Variants in RPRD1A observed in about 807,000 individuals in gnomAD.
The protein encoded by RPRD1A is regulation of nuclear pre-mRNA domain containing 1A.
RPRD1A carries 9 observed loss-of-function variants against 37.8 expected under a neutral mutation model. The observed-to-expected ratio is 0.24, with a 90% CI of 0.14 to 0.42. The LOEUF (loss-of-function observed/expected upper bound fraction) is 0.42. Ranked by LOEUF, RPRD1A falls within the 10% of genes least tolerant of loss-of-function variation. The pLI is 1.00. For synonymous variants in RPRD1A, 138 were observed against 139.7 expected (o/e 0.99, Z 0.08); for missense variants, 255 against 371.0 (o/e 0.69, Z 2.57).
At chr18:36,046,696 C>T (rs1044952397) in intron 1 of RPRD1A, among the ~76,000 whole-genome samples, 1 of 151,398 alleles carries the variant, frequency 6.6e-6, no homozygotes, top group Non-Finnish European at 1.5e-5. Context: ...ATCAGCCAGG[C>T]GTGGTGACAC....
chr18:36,014,188 CAAAT>C (rs1279516373), intron 6 of RPRD1A, among the ~76,000 whole-genome samples: 2 of 151,952 alleles, frequency 1.3e-5, no homozygotes, highest in African/African-American at 4.8e-5. Context: ...TAAAAATAAA[CAAAT>C]AAAAAAGCAT....
intron 6 of RPRD1A, among the ~76,000 whole-genome samples, chr18:36,003,978 G>C (rs1305655128): frequency 6.7e-6 from 1 of 149,594 alleles, no homozygotes; most frequent in Admixed American, 6.7e-5. Context: ...GAGGGAGAGG[G>C]AGACAGACAG....
chr18:36,017,762 A>C (rs1374796460), intron 6 of RPRD1A, among the ~76,000 whole-genome samples: 1 of 152,236 alleles, frequency 6.6e-6, no homozygotes, highest in Non-Finnish European at 1.5e-5. Context: ...ACAGGCACAA[A>C]GGGCAATAGA....
chr18:36,008,577 G>GTGTGTGTATGTATA, intron 6 of RPRD1A, among the ~76,000 whole-genome samples: 3 of 47,802 alleles, frequency 6.3e-5, no homozygotes, highest in African/African-American at 2.0e-4. Context: ...CCTTGTGTGT[G>GTGTGTGTATGTATA]TATATATATA....
intron 6 of RPRD1A, among the ~76,000 whole-genome samples, chr18:36,016,626 T>C (rs778337113): frequency 1.3e-5 from 2 of 152,084 alleles, no homozygotes; most frequent in Non-Finnish European, 2.9e-5. Flanking sequence ...CTATCACAGA[T>C]AAGCCAAAAC....
At chr18:36,016,347 C>T (rs1453548281) in intron 6 of RPRD1A, among the ~76,000 whole-genome samples, 2 of 152,114 alleles carry the variant, frequency 1.3e-5, no homozygotes, top group African/African-American at 2.4e-5. Flanking sequence ...CTTAGCCTCC[C>T]GAGCAGCTAG....
At chr18:36,028,795 T>TA (rs1911559099) in intron 4 of RPRD1A, among the ~76,000 whole-genome samples, 1 of 152,178 alleles carries the variant, frequency 6.6e-6, no homozygotes, top group African/African-American at 2.4e-5. Flanking sequence ...GAACCATTGA[T>TA]AATTAAGCAG....
chr18:36,032,314 A>G lies in RPRD1A; in HGVS notation c.282-1217T>C, dbSNP rs149776208. On this transcript the variant is annotated intron_variant, in intron 2 of 6. Coordinates refer to ENST00000399022, the MANE Select transcript of RPRD1A (RefSeq NM_018170.5). Reference sequence around the variant, plus strand: ...CATATAATAAATATTTATGCAGCCAATAAATATTTTACTGAATTCTAGGGA... The same window carrying G: ...CATATAATAAATATTTATGCAGCCAGTAAATATTTTACTGAATTCTAGGGA... Among the ~76,000 whole-genome samples the G allele has an allele frequency of 4.5e-3, 684 of 152,350 alleles. 6 individuals carry two copies. The highest frequency in any genetic ancestry group is 0.016 in the African/African-American group (646 of 41,582).
At chr18:36,064,507 A>C (rs1053373935) in intron 1 of RPRD1A, 1 of 152,300 alleles carries the variant, frequency 6.6e-6, no homozygotes, top group Non-Finnish European at 1.5e-5. Context: ...TAAACGCACC[A>C]ATCAGTGCTC....
At chr18:36,004,061 C>A (rs1488415908) in intron 6 of RPRD1A, among the ~76,000 whole-genome samples, 1 of 114,060 alleles carries the variant, frequency 8.8e-6, no homozygotes, top group Non-Finnish European at 1.6e-5. Flanking sequence ...GTAGGCTGTT[C>A]TTGAACTCCT....
intron 4 of RPRD1A, among the ~76,000 whole-genome samples, chr18:36,030,156 T>G (rs1443254840): frequency 6.6e-6 from 1 of 151,508 alleles, no homozygotes; most frequent in Non-Finnish European, 1.5e-5. Flanking sequence ...AAAGGGGCAG[T>G]GATTATGTCC....
At chr18:36,055,669 T>G (rs1486738922) in intron 1 of RPRD1A, among the ~76,000 whole-genome samples, 1 of 119,388 alleles carries the variant, frequency 8.4e-6, no homozygotes, top group African/African-American at 2.6e-5. Context: ...ATCAAAAAAT[T>G]TGTTCTTATA....
chr18:35,995,901 T>C (rs1328165621), intron 6 of RPRD1A, among the ~76,000 whole-genome samples: 1 of 152,220 alleles, frequency 6.6e-6, no homozygotes, highest in Non-Finnish European at 1.5e-5. Context: ...CCACTTTAGC[T>C]GTGAGAAAAA....
intron 1 of RPRD1A, among the ~76,000 whole-genome samples, chr18:36,038,102 A>T (rs998924313): frequency 7.2e-5 from 11 of 152,220 alleles, no homozygotes; most frequent in African/African-American, 2.4e-4. Flanking sequence ...TTCTGAAGAG[A>T]AATTCAGGTG....
At chr18:36,039,048 A>C (rs1306119861) in intron 1 of RPRD1A, among the ~76,000 whole-genome samples, 1 of 152,170 alleles carries the variant, frequency 6.6e-6, no homozygotes, top group Non-Finnish European at 1.5e-5. Context: ...TGCTAGAATG[A>C]GTTAAGACTC....
intron 1 of RPRD1A, chr18:36,052,758 C>T (rs562963337): frequency 2.0e-5 from 3 of 152,138 alleles, no homozygotes; most frequent in African/African-American, 7.2e-5. Flanking sequence ...GCCACCACAC[C>T]TCGCTAATTT....
chr18:35,993,835 C>T (rs960794501), intron 6 of RPRD1A, among the ~76,000 whole-genome samples: 2 of 152,146 alleles, frequency 1.3e-5, no homozygotes, highest in Non-Finnish European at 1.5e-5. Flanking sequence ...TCTCATCCTA[C>T]CCCAACTACC....
intron 6 of RPRD1A, among the ~76,000 whole-genome samples, chr18:36,017,453 C>T (rs1910666589): frequency 6.6e-6 from 1 of 152,194 alleles, no homozygotes; most frequent in Admixed American, 6.5e-5. Context: ...TTTTCAGACA[C>T]TGCCAACACC....
rs1302192097 is a variant in RPRD1A, at chr18:36,033,772, TC to T, written c.216del (p.Lys73ArgfsTer13). The T allele has an allele frequency of 1.2e-6, 2 of 1,613,366 alleles. No individual in the cohort carries two copies. The highest frequency in any genetic ancestry group is 1.7e-6 in the Non-Finnish European group (2 of 1,179,608). On this transcript the variant is annotated frameshift_variant, in exon 2 of 7. Coordinates refer to ENST00000399022, the MANE Select transcript of RPRD1A (RefSeq NM_018170.5). LOFTEE classifies it high-confidence loss of function. ...LANDVIQNSK[R>X]KGPEFTKDFA... The stretch of plus-strand genomic sequence containing the variant: ...AAATCTTTTGTAAACTCTGGCCCCT[TC>T]CTCTTGCTGTTCTGTATGACATCAT...
Sources: allele counts gnomAD v4.1 joint callset (sites outside exome capture counted in the v4.1 genomes callset), GRCh38; gene constraint gnomAD v4.1.1; transcripts MANE v1.5; gene names NCBI Gene and HGNC (gene_info 2026-07-23, HGNC 2026-07-21).